The following CENATAC variants were observed in gnomAD, a reference collection of about 807,000 sequenced individuals.
The protein encoded by CENATAC is centrosomal AT-AC splicing factor.
CENATAC carries 53 observed loss-of-function variants against 53.7 expected under a neutral mutation model. The ratio of observed to expected loss-of-function variants is 0.99; its 90% CI spans 0.79 to 1.24. The LOEUF (loss-of-function observed/expected upper bound fraction) is 1.24, where lower values mean the gene tolerates loss of function less well. Among genes scored for constraint, CENATAC ranks in the 50% most tolerant of loss-of-function variants. The pLI is 0.00. For synonymous variants in CENATAC, 156 were observed against 144.6 expected (o/e 1.08, Z -0.57); for missense variants, 474 against 417.8 (o/e 1.13, Z -1.17).
Position 119,011,433 on chromosome 11 carries a change from G to T in CENATAC, c.513+150G>T, listed in dbSNP as rs535306830. ...GTGTCACCCAGGCTGGAGTGCAGTG[G>T]CACGATCTCGGCTCACTGCAACCTC... On this transcript the variant is annotated intron_variant, in intron 5 of 10. Coordinates refer to ENST00000334418, the MANE Select transcript of CENATAC (RefSeq NM_198489.3). 2.6e-4 allele frequency: 168 copies of T among 638,904 alleles called. No homozygotes were observed. The African/African-American group carries it at 2.9e-3, about 11-fold the overall frequency. 39.6% of individuals were successfully genotyped at this position (638,904 alleles called of 1,614,324 possible).
At chr11:119,012,387 T>C (rs1480736895) in intron 7 of CENATAC, 133 bp downstream of exon 7, 2 of 966,272 alleles carry the variant, frequency 2.1e-6, no homozygotes, top group Non-Finnish European at 3.0e-6. Context: ...CACTGTTCCC[T>C]AGTAGTGTTC....
At chr11:119,014,195 TTCA>T (rs1943022500) in intron 8 of CENATAC, 1 of 152,232 alleles carries the variant, frequency 6.6e-6, no homozygotes, top group South Asian at 2.1e-4. Context: ...TTGGAAACAA[TTCA>T]GATGTCTATC....
chr11:119,008,743 A>G (rs558725720), intron 3 of CENATAC, among the ~76,000 whole-genome samples: 13 of 152,298 alleles, frequency 8.5e-5, no homozygotes, highest in African/African-American at 2.6e-4. Flanking sequence ...ATTTCAGACT[A>G]TCACATGGAG....
At chr11:119,012,280 A>T (rs188357384) in intron 7 of CENATAC, 26 bp downstream of exon 7, 1 of 1,612,342 alleles carries the variant, frequency 6.2e-7, no homozygotes, top group African/African-American at 1.3e-5. Context: ...AAGCCAGAAG[A>T]GGGCCAATGG....
chr11:119,003,438 TG>T, intron 3 of CENATAC: 1 of 477,940 alleles, frequency 2.1e-6, no homozygotes, highest in Non-Finnish European at 4.0e-6. Flanking sequence ...TCTTAGCTTT[TG>T]GTGCCATCTT....
chr11:118,998,732 C>T lies in CENATAC; in HGVS notation c.284+139C>T, dbSNP rs1942138356. Reference sequence around the variant, plus strand: ...GAGTCACTTCACAGGTTTTGCCAGCCTTGTTAGGGTAGGGGTCATATGCTG... The same window carrying T: ...GAGTCACTTCACAGGTTTTGCCAGCTTTGTTAGGGTAGGGGTCATATGCTG... On this transcript the variant is annotated intron_variant, in intron 2 of 10. Transcript: ENST00000334418. 4 of 1,209,624 alleles carry T rather than the reference C, an allele frequency of 3.3e-6. No individual in the cohort carries two copies. In the South Asian group the frequency reaches 6.1e-5, roughly 19 times the overall value. 74.9% of individuals were successfully genotyped at this position (1,209,624 alleles called of 1,614,324 possible). A position where few individuals can be genotyped will look rare whatever the true frequency, so the allele number is the denominator to read the frequency against.
At chr11:119,010,069 C>T (rs1942792872) in intron 3 of CENATAC, 1 of 152,302 alleles carries the variant, frequency 6.6e-6, no homozygotes, top group South Asian at 2.1e-4. Context: ...TCTCTTGAGC[C>T]TGGGAGCCTC....
intron 3 of CENATAC, among the ~76,000 whole-genome samples, chr11:119,000,524 G>T (rs1942239875): frequency 6.7e-6 from 1 of 149,918 alleles, no homozygotes; most frequent in African/African-American, 2.5e-5. Context: ...TTTTGTCCAG[G>T]CATGGTGGCT....
At chr11:119,013,718 C>T (rs559252244) in intron 8 of CENATAC, among the ~76,000 whole-genome samples, 3 of 151,998 alleles carry the variant, frequency 2.0e-5, no homozygotes, top group Admixed American at 1.3e-4. Context: ...CCGCCTCGGC[C>T]TCCCAAAGTG....
intron 3 of CENATAC, 109 bp downstream of exon 3, chr11:118,999,218 A>G: frequency 5.2e-6 from 4 of 770,184 alleles, no homozygotes; most frequent in Non-Finnish European, 8.9e-6. Flanking sequence ...CTTACGAAGA[A>G]TCTGCTGTCT....
In CENATAC at chr11:119,012,214, G is replaced by A; in HGVS notation, c.644G>A (p.Trp215Ter). The A allele has an allele frequency of 6.2e-7, 1 of 1,614,118 alleles. No individual in the cohort carries two copies. Among genetic ancestry groups the A allele is most frequent in the Non-Finnish European group, 8.5e-7 (1 of 1,180,028 alleles). Residue 215 changes from tryptophan (W) to a stop codon, truncating the protein, a stop_gained, in exon 7 of 11, where the codon TGG becomes TAG. Coordinates refer to ENST00000334418, the MANE Select transcript of CENATAC (RefSeq NM_198489.3). LOFTEE classifies it high-confidence loss of function. Reference protein sequence around the residue: ...LDLPPAPELDWMETGPSLTFI... With the variant: ...LDLPPAPELD Reference sequence around the variant, plus strand: ...CTGCCACCAGCTCCAGAGCTTGACTGGATGGAGACAGGACCATCTCTGACA... The same window carrying A: ...CTGCCACCAGCTCCAGAGCTTGACTAGATGGAGACAGGACCATCTCTGACA...
rs1942158257 is a variant in CENATAC, at chr11:118,999,095, C to T, written c.369C>T (p.Pro123=). ...TGAAAGAGAAGTTTCTGGTCACTCC[C>T]CAGGATTATGCGCGGTGAGTCACTG... is the stretch of plus-strand genomic sequence containing the variant. The part of the protein sequence containing the change: ...VQMKEKFLVT[P]QDYARFKKSM... Residue 123 remains proline (P), a synonymous_variant, in exon 3 of 11, where the codon CCC becomes CCT. Coordinates refer to ENST00000334418, the MANE Select transcript of CENATAC (RefSeq NM_198489.3). 2.5e-6 allele frequency: 4 copies of T among 1,613,252 alleles called. No individual in the cohort carries two copies. The highest frequency in any genetic ancestry group is 3.4e-6 in the Non-Finnish European group (4 of 1,179,362).
At chr11:119,015,284 A>G (rs782483136) in intron 9 of CENATAC, 23 bp from the exon 10 acceptor site, 1 of 1,573,522 alleles carries the variant, frequency 6.4e-7, no homozygotes, top group Non-Finnish European at 8.6e-7. Context: ...AAGAAAAATA[A>G]AAGTTTCCCT....
intron 3 of CENATAC, chr11:119,001,565 A>G (rs1332488527): frequency 2.2e-6 from 1 of 451,608 alleles, no homozygotes; most frequent in East Asian, 7.0e-5. Flanking sequence ...ATCTACATAT[A>G]TTTTATGCAT....
intron 3 of CENATAC, among the ~76,000 whole-genome samples, chr11:118,999,789 C>T (rs1043791321): frequency 6.6e-6 from 1 of 152,238 alleles, no homozygotes; most frequent in Admixed American, 6.5e-5. Context: ...ACTACAGGCG[C>T]CTGCCACCAC....
At chr11:119,006,712 T>C (rs1276517812) in intron 3 of CENATAC, among the ~76,000 whole-genome samples, 1 of 152,220 alleles carries the variant, frequency 6.6e-6, no homozygotes, top group Non-Finnish European at 1.5e-5. Context: ...CATCAACCTC[T>C]GTGATATGGT....
intron 5 of CENATAC, 92 bp downstream of exon 5, chr11:119,011,375 T>G: frequency 1.6e-6 from 2 of 1,229,324 alleles, no homozygotes; most frequent in Non-Finnish European, 2.3e-6. Context: ...GTGCTTCTTC[T>G]TCTTCTTTTT....
chr11:119,012,528 G>A (rs1942917555), intron 7 of CENATAC: 1 of 316,514 alleles, frequency 3.2e-6, no homozygotes, highest in East Asian at 5.9e-5. Flanking sequence ...TATCCCACAG[G>A]CATCTGAAAC....
chr11:118,998,488 A>G lies in CENATAC; in HGVS notation c.179A>G (p.His60Arg). The G allele has an allele frequency of 6.2e-7, 1 of 1,613,390 alleles. No homozygotes were observed. Among genetic ancestry groups the G allele is most frequent in the Non-Finnish European group, 8.5e-7 (1 of 1,179,828 alleles). Residue 60 changes from histidine to arginine, a missense_variant, in exon 2 of 11, where the codon CAC becomes CGC. His to Arg is a conservative substitution (Grantham distance 29). Coordinates refer to ENST00000334418, the MANE Select transcript of CENATAC (RefSeq NM_198489.3). ...CAGGTGGAGCGCTATGTGCCCGAAC[A>G]CGAGCGATGCTGCTGGTGCCTGTGC... ...AAQVERYVPE[H>R]ERCCWCLCCG...
Sources: allele counts gnomAD v4.1 joint callset (sites outside exome capture counted in the v4.1 genomes callset), GRCh38; gene constraint gnomAD v4.1.1; transcripts MANE v1.5; gene names NCBI Gene and HGNC (gene_info 2026-07-23, HGNC 2026-07-21).